GRIA4: variants seen among roughly 807,000 people sequenced by gnomAD.
The protein encoded by GRIA4 is glutamate receptor 4.
In GRIA4, 34 loss-of-function variants were observed where a neutral mutation model predicts 104.0. The observed-to-expected ratio is 0.33, with a 90% confidence interval of 0.25 to 0.44. The LOEUF is 0.44. GRIA4 is among the 20% of genes least tolerant of loss of function. The pLI is 1.00. For synonymous variants in GRIA4, 386 were observed against 381.9 expected (o/e 1.01, Z -0.13); for missense variants, 750 against 1,096.5 (o/e 0.68, Z 4.46).
intron 3 of GRIA4, among the ~76,000 whole-genome samples, chr11:105,682,367 T>G (rs1489509823): frequency 6.6e-6 from 1 of 152,098 alleles, no homozygotes; most frequent in African/African-American, 2.4e-5. Flanking sequence ...ACTACAGACA[T>G]GCACCACTGT....
At chr11:105,954,139 C>A (rs1948526607) in intron 14 of GRIA4, among the ~76,000 whole-genome samples, 1 of 152,114 alleles carries the variant, frequency 6.6e-6, no homozygotes, top group South Asian at 2.1e-4. Flanking sequence ...CTGACCTGTT[C>A]CCATCAAATA....
At chr11:105,912,154 A>C in intron 10 of GRIA4, 11 of 1,031,158 alleles carry the variant, frequency 1.1e-5, no homozygotes, top group Non-Finnish European at 1.3e-5. Flanking sequence ...CGATTCTGAC[A>C]TATCAATTCC....
intron 4 of GRIA4, among the ~76,000 whole-genome samples, chr11:105,811,370 T>A (rs182224623): frequency 4.9e-4 from 75 of 152,300 alleles, no homozygotes; most frequent in Admixed American, 1.8e-3. Flanking sequence ...ATCTCTTTAG[T>A]TCCTTTTTCT....
chr11:105,841,194 A>C (rs932739780), intron 4 of GRIA4, among the ~76,000 whole-genome samples: 2 of 152,138 alleles, frequency 1.3e-5, no homozygotes, highest in Non-Finnish European at 2.9e-5. Flanking sequence ...TCAACATTCA[A>C]ACACCTGAAC....
In GRIA4 at chr11:105,981,140, T is replaced by C. The variant is rs1859234581; in HGVS notation, c.*1401T>C. The C allele has an allele frequency of 6.6e-6, 1 of 152,660 alleles. No individual in the cohort carries two copies. The highest frequency in any genetic ancestry group is 1.5e-5 in the Non-Finnish European group (1 of 68,036). 9.5% of individuals were successfully genotyped at this position (152,660 alleles called of 1,614,324 possible). ...ATTGTAAAGAAAATTATACTCATGT[T>C]TATTTATAAAAATCACCTTATGTAT... On this transcript the variant is annotated 3_prime_UTR_variant, in exon 17 of 17. Transcript: ENST00000282499.
intron 4 of GRIA4, among the ~76,000 whole-genome samples, chr11:105,780,231 C>T (rs527433015): frequency 3.2e-4 from 48 of 152,228 alleles, no homozygotes; most frequent in African/African-American, 1.2e-3. Flanking sequence ...ATATGATTGA[C>T]GTGTGATGCA....
rs114358127 is a variant in GRIA4, at chr11:105,688,777, T to C, written c.248-64204T>C. On this transcript the variant is annotated intron_variant, in intron 3 of 16. Coordinates refer to ENST00000282499, the MANE Select transcript of GRIA4 (RefSeq NM_000829.4). ...GCTGTCTTACACCCACCTGCTATGG[T>C]AAAGAGATTCTGTTAGCAGAGTGGT... 8.6e-3 allele frequency among the ~76,000 whole-genome samples: 1,312 copies of C among 152,220 alleles called. 33 individuals are homozygous for C. The highest frequency in any genetic ancestry group is 0.03 in the African/African-American group (1,241 of 41,538).
At chr11:105,776,063 T>G (rs1408026034) in intron 4 of GRIA4, among the ~76,000 whole-genome samples, 1 of 152,086 alleles carries the variant, frequency 6.6e-6, no homozygotes, top group East Asian at 1.9e-4. Flanking sequence ...CAGCTTAGTA[T>G]TTTGGAAATA....
At chr11:105,834,500 T>C (rs984668471) in intron 4 of GRIA4, among the ~76,000 whole-genome samples, 1 of 151,972 alleles carries the variant, frequency 6.6e-6, no homozygotes, top group Non-Finnish European at 1.5e-5. Flanking sequence ...CTGCTACATT[T>C]TGACTCCACT....
At chr11:105,664,841 T>C (rs17385939) in intron 3 of GRIA4, among the ~76,000 whole-genome samples, 2,953 of 152,128 alleles carry the variant, frequency 0.019, 42 homozygotes, top group Middle Eastern at 0.031. Flanking sequence ...CTTTTTCTAA[T>C]ATGCACCTCA....
At chr11:105,662,819 C>G (rs1022687672) in intron 3 of GRIA4, among the ~76,000 whole-genome samples, 4 of 151,722 alleles carry the variant, frequency 2.6e-5, no homozygotes, top group Non-Finnish European at 5.9e-5. Context: ...CAGTAAGTTC[C>G]CAGGCTGAGA....
chr11:105,667,990 C>T (rs770119958), intron 3 of GRIA4, among the ~76,000 whole-genome samples: 2 of 151,586 alleles, frequency 1.3e-5, no homozygotes, highest in African/African-American at 4.8e-5. Flanking sequence ...CTTTGACTAA[C>T]ATCTTCCCAT....
chr11:105,835,866 A>C (rs919001221), intron 4 of GRIA4, among the ~76,000 whole-genome samples: 3 of 152,070 alleles, frequency 2.0e-5, no homozygotes, highest in African/African-American at 7.2e-5. Context: ...ATCTGGCTTA[A>C]AAAAGGAGAA....
chr11:105,705,820 C>A (rs1336115796), intron 3 of GRIA4, among the ~76,000 whole-genome samples: 5 of 152,150 alleles, frequency 3.3e-5, no homozygotes, highest in African/African-American at 7.2e-5. Flanking sequence ...CCAACTTGCA[C>A]ACCTTTTTGG....
chr11:105,722,627 A>G (rs1446467222), intron 3 of GRIA4, among the ~76,000 whole-genome samples: 2 of 152,104 alleles, frequency 1.3e-5, no homozygotes, highest in Non-Finnish European at 2.9e-5. Flanking sequence ...AACTTTACTG[A>G]TACTACTATT....
chr11:105,677,547 C>A (rs576225311), intron 3 of GRIA4, among the ~76,000 whole-genome samples: 1 of 151,896 alleles, frequency 6.6e-6, no homozygotes, highest in Non-Finnish European at 1.5e-5. Flanking sequence ...TCATCTATCT[C>A]CTACCAAAAA....
At chr11:105,686,074 T>G (rs1044992153) in intron 3 of GRIA4, among the ~76,000 whole-genome samples, 3 of 152,194 alleles carry the variant, frequency 2.0e-5, no homozygotes, top group African/African-American at 7.2e-5. Flanking sequence ...TTTCTTTTTT[T>G]CAACTTTTAT....
At chr11:105,624,564 A>G (rs1205618214) in intron 3 of GRIA4, among the ~76,000 whole-genome samples, 1 of 152,060 alleles carries the variant, frequency 6.6e-6, no homozygotes, top group Non-Finnish European at 1.5e-5. Flanking sequence ...AGTTTCCATA[A>G]CCCTTTATTC....
Position 105,702,690 on chromosome 11 carries a change from C to CTTTTTTTTTTTTTTTTT in GRIA4, c.248-50288_248-50287insTTTTTTTTTTTTTTTTT, listed in dbSNP as rs150923757. 2.1e-5 allele frequency among the ~76,000 whole-genome samples: 2 copies of CTTTTTTTTTTTTTTTTT among 96,074 alleles called. 1 individual carries two copies. The allele number at this position is 96,074 out of a possible 152,430, so 63.0% of individuals were successfully genotyped here. ...TTATAAGATATGCAAAATTATTTTCCTTTCTTTTTTTTTTTTTTTTTTTTG... is the reference window on the plus strand; with the variant it reads ...TTATAAGATATGCAAAATTATTTTCCTTTTTTTTTTTTTTTTTTTTCTTTTTTTTTTTTTTTTTTTTG... On this transcript the variant is annotated intron_variant, in intron 3 of 16. Transcript: ENST00000282499.
Sources: gnomAD v4.1 joint callset for allele counts (sites outside exome capture counted in the v4.1 genomes callset) on GRCh38, gnomAD v4.1.1 for gene constraint, MANE v1.5 for transcripts, NCBI Gene and HGNC (gene_info 2026-07-23, HGNC 2026-07-21) for gene names.